The following FGF12 variants were observed in gnomAD, a reference collection of about 807,000 sequenced individuals.
FGF12 encodes fibroblast growth factor 12B.
Under a neutral mutation model 23.6 loss-of-function variants are expected in FGF12, and 14 were observed. That is an observed-to-expected ratio of 0.59 (90% CI 0.39 to 0.93). The LOEUF is 0.93. Among genes scored for constraint, FGF12 ranks in the 40% least tolerant of loss-of-function variants. The probability of loss-of-function intolerance (pLI) is 0.00; values close to 1 mark genes in which losing one functional copy is unlikely to be tolerated. For synonymous variants in FGF12, 62 were observed against 77.3 expected, an observed-to-expected ratio of 0.80 and a Z score of 1.04; for missense variants, 175 against 217.8, an observed-to-expected ratio of 0.80 and a Z score of 1.24.
At chr3:192,168,671 T>G (rs1375099912) in intron 5 of FGF12, among the ~76,000 whole-genome samples, 2 of 152,238 alleles carry the variant, frequency 1.3e-5, no homozygotes, top group African/African-American at 4.8e-5. Context: ...ATTCATTAAT[T>G]CATTCACATG....
chr3:192,325,175 T>C (rs1046750164), intron 4 of FGF12, among the ~76,000 whole-genome samples: 14 of 152,206 alleles, frequency 9.2e-5, no homozygotes, highest in Non-Finnish European at 4.4e-5. Context: ...CAGAATTCCA[T>C]ATTTTCTTTC....
chr3:192,300,192 C>A (rs1201208395), intron 4 of FGF12, among the ~76,000 whole-genome samples: 1 of 152,182 alleles, frequency 6.6e-6, no homozygotes, highest in Non-Finnish European at 1.5e-5. Context: ...GTTGGAAAAT[C>A]TTACCTACTC....
intron 2 of FGF12, among the ~76,000 whole-genome samples, chr3:192,605,295 C>T (rs1297379936): frequency 6.6e-6 from 1 of 151,458 alleles, no homozygotes; most frequent in Non-Finnish European, 1.5e-5. Context: ...GCAGGAGAAT[C>T]TCTTGAACCT....
intron 2 of FGF12, among the ~76,000 whole-genome samples, chr3:192,411,863 G>A (rs956912029): frequency 6.6e-6 from 1 of 152,178 alleles, no homozygotes; most frequent in Admixed American, 6.5e-5. Flanking sequence ...TCAAAATGGG[G>A]ATAATCATTC....
At position 192,445,423 on chromosome 3, in the gene FGF12, T is replaced by G. The variant is rs138699689; in HGVS notation, c.14-84885A>C. ...AATTTAGGAATAGAATTGCCATTGT[T>G]CTTGCAAATTACACTATTACTAGTT... On this transcript the variant is annotated intron_variant, in intron 2 of 5. Transcript: ENST00000445105. Among the ~76,000 whole-genome samples the G allele has an allele frequency of 3.5e-4, 54 of 152,318 alleles. 1 individual carries two copies. In the East Asian group the frequency reaches 0.01, roughly 28 times the overall value.
chr3:192,421,555 C>G (rs967553889), intron 2 of FGF12, among the ~76,000 whole-genome samples: 2 of 152,046 alleles, frequency 1.3e-5, no homozygotes, highest in African/African-American at 2.4e-5. Context: ...TCATTCTCAG[C>G]AAACTATCAC....
intron 2 of FGF12, among the ~76,000 whole-genome samples, chr3:192,581,906 C>T (rs1481449978): frequency 1.3e-5 from 2 of 151,700 alleles, no homozygotes; most frequent in East Asian, 1.9e-4. Flanking sequence ...ATGCTTAAAA[C>T]AATGAATGCC....
chr3:192,207,868 C>T (rs908081832), intron 4 of FGF12, among the ~76,000 whole-genome samples: 4 of 152,302 alleles, frequency 2.6e-5, no homozygotes, highest in Non-Finnish European at 5.9e-5. Context: ...CCATTTCAGA[C>T]ACGCTGAAGT....
chr3:192,549,242 T>C (rs1725570392), intron 2 of FGF12, among the ~76,000 whole-genome samples: 1 of 152,136 alleles, frequency 6.6e-6, no homozygotes, highest in South Asian at 2.1e-4. Flanking sequence ...TGACAACAAA[T>C]TGTAAAACCC....
At chr3:192,500,331 A>G (rs1323864709) in intron 2 of FGF12, among the ~76,000 whole-genome samples, 2 of 152,214 alleles carry the variant, frequency 1.3e-5, no homozygotes, top group African/African-American at 4.8e-5. Flanking sequence ...AAAAGGTGAG[A>G]TGACAAGAGT....
chr3:192,477,422 A>C (rs1723357790), intron 2 of FGF12, among the ~76,000 whole-genome samples: 1 of 152,190 alleles, frequency 6.6e-6, no homozygotes, highest in Admixed American at 6.5e-5. Context: ...CCCAATAACA[A>C]GAAAAATTCT....
At chr3:192,725,224 C>T (rs1309224744) in intron 2 of FGF12, among the ~76,000 whole-genome samples, 3 of 151,810 alleles carry the variant, frequency 2.0e-5, no homozygotes, top group Admixed American at 6.6e-5. Flanking sequence ...GATTGCCAAG[C>T]AGCTAACACA....
At chr3:192,217,193 A>G (rs1718235801) in intron 4 of FGF12, among the ~76,000 whole-genome samples, 1 of 152,192 alleles carries the variant, frequency 6.6e-6, no homozygotes, top group Admixed American at 6.5e-5. Context: ...AGGGATAATG[A>G]AGGTACCTCT....
chr3:192,503,840 T>A (rs1461265958), intron 2 of FGF12, among the ~76,000 whole-genome samples: 3 of 152,064 alleles, frequency 2.0e-5, no homozygotes, highest in African/African-American at 7.2e-5. Context: ...TCTCCTGACC[T>A]CATGATACCC....
At chr3:192,503,603 G>T (rs7631706) in intron 2 of FGF12, among the ~76,000 whole-genome samples, 199 of 99,124 alleles carry the variant, frequency 2.0e-3, no homozygotes, top group African/African-American at 7.3e-3. Flanking sequence ...GTGTGTGTGT[G>T]TTTTTTTTTT....
In FGF12 at chr3:192,250,459, AAAAAT is replaced by A. The variant is rs1328384929; in HGVS notation, c.229-79808_229-79804del. 1.2e-4 allele frequency among the ~76,000 whole-genome samples: 18 copies of A among 152,324 alleles called. No individual in the cohort carries two copies. In the East Asian group the frequency reaches 3.5e-3, roughly 29 times the overall value. ...ACCACTTAATATTTACACCTTGAGA[AAAAAT>A]TATGCCACAATACAAGCATAAGTGT... On this transcript the variant is annotated intron_variant, in intron 4 of 5. Coordinates refer to ENST00000445105, the MANE Select transcript of FGF12 (RefSeq NM_004113.6).
chr3:192,468,723 T>C (rs1330641127), intron 2 of FGF12, among the ~76,000 whole-genome samples: 1 of 152,104 alleles, frequency 6.6e-6, no homozygotes, highest in African/African-American at 2.4e-5. Flanking sequence ...GTAGTTAATA[T>C]ATATCTTGAG....
In FGF12 at chr3:192,554,706, G is replaced by A. The variant is rs538072997; in HGVS notation, c.13+172475C>T. On this transcript the variant is annotated intron_variant, in intron 2 of 5. Coordinates refer to ENST00000445105, the MANE Select transcript of FGF12 (RefSeq NM_004113.6). ...ATAAAAGGAACAAAATAAATCTCCAGAAACTGAACCCAAAGAAACAAAGGT... is the reference window on the plus strand; with the variant it reads ...ATAAAAGGAACAAAATAAATCTCCAAAAACTGAACCCAAAGAAACAAAGGT... Among the ~76,000 whole-genome samples, 7 of 149,518 alleles carry A rather than the reference G, an allele frequency of 4.7e-5. No individual in the cohort carries two copies. The South Asian group carries it at 1.5e-3, about 31-fold the overall frequency.
intron 2 of FGF12, among the ~76,000 whole-genome samples, chr3:192,574,841 A>G (rs895646837): frequency 5.3e-5 from 8 of 152,232 alleles, no homozygotes; most frequent in Admixed American, 3.9e-4. Flanking sequence ...CACCTGCTTA[A>G]CAGCAATCTC....
Sources: allele counts gnomAD v4.1 joint callset (sites outside exome capture counted in the v4.1 genomes callset), GRCh38; gene constraint gnomAD v4.1.1; transcripts MANE v1.5; gene names NCBI Gene and HGNC (gene_info 2026-07-23, HGNC 2026-07-21).